Variants in MARK3 observed in about 807,000 individuals in gnomAD.
The protein encoded by MARK3 is microtubule affinity regulating kinase 3.
A neutral mutation model predicts 90.1 loss-of-function variants in MARK3; 46 were observed. The ratio of observed to expected loss-of-function variants is 0.51; its 90% CI spans 0.40 to 0.65. The LOEUF (loss-of-function observed/expected upper bound fraction) is 0.65. MARK3 is among the 30% of genes least tolerant of loss of function. MARK3 has a pLI of 0.00. For missense variants in MARK3, 818 were observed against 947.2 expected (o/e 0.86, Z 1.79); for synonymous variants, 321 against 332.6 (o/e 0.97, Z 0.38).
chr14:103,456,623 T>G (rs1384669662), intron 5 of MARK3, among the ~76,000 whole-genome samples: 1 of 152,214 alleles, frequency 6.6e-6, no homozygotes, highest in Non-Finnish European at 1.5e-5. Context: ...GTTTATTCAT[T>G]TATTGCCCCC....
intron 3 of MARK3, among the ~76,000 whole-genome samples, chr14:103,437,386 T>G (rs997551282): frequency 2.6e-5 from 4 of 151,170 alleles, no homozygotes; most frequent in African/African-American, 7.4e-5. Context: ...AGAGTGAGAC[T>G]CCGTCTCAAA....
chr14:103,434,353 C>T (rs1378679802), intron 3 of MARK3, among the ~76,000 whole-genome samples: 3 of 152,170 alleles, frequency 2.0e-5, no homozygotes, highest in African/African-American at 2.4e-5. Flanking sequence ...CCCAGCATTC[C>T]GTGACCGGGC....
intron 3 of MARK3, among the ~76,000 whole-genome samples, chr14:103,432,512 A>G (rs1234924961): frequency 6.6e-6 from 1 of 151,720 alleles, no homozygotes; most frequent in Non-Finnish European, 1.5e-5. Flanking sequence ...AAGTGTCCCT[A>G]TGAGCTGAGC....
rs528186583 is a variant in MARK3 at position 103,393,145 on chromosome 14, T to A, written c.51+7065T>A. On this transcript the variant is annotated intron_variant, in intron 1 of 17. Coordinates refer to ENST00000429436, the MANE Select transcript of MARK3 (RefSeq NM_001128918.3). ...ACAGGTGCCTGTTACCATGCCCAGC[T>A]GATTTTTTTGTATTTTCGGTAGAGA... Among the ~76,000 whole-genome samples, 91 of 152,290 alleles carry A rather than the reference T, an allele frequency of 6.0e-4. 1 individual carries two copies. In the Middle Eastern group the frequency reaches 0.014, roughly 23 times the overall value.
At chr14:103,428,978 G>T (rs2141047410) in intron 3 of MARK3, among the ~76,000 whole-genome samples, 1 of 152,296 alleles carries the variant, frequency 6.6e-6, no homozygotes, top group South Asian at 2.1e-4. Flanking sequence ...ATTTAACATA[G>T]ATCAAGTCTT....
intron 1 of MARK3, among the ~76,000 whole-genome samples, chr14:103,396,583 A>G (rs1002630546): frequency 9.2e-5 from 14 of 152,220 alleles, no homozygotes; most frequent in African/African-American, 3.4e-4. Context: ...TATTATAAAT[A>G]ACAAACTAAG....
intron 15 of MARK3, among the ~76,000 whole-genome samples, chr14:103,496,706 C>T (rs2075362351): frequency 6.6e-6 from 1 of 152,082 alleles, no homozygotes; most frequent in African/African-American, 2.4e-5. Context: ...AGCCACCACA[C>T]CCAGCCTTTT....
chr14:103,453,388 C>T (rs1253637191), intron 5 of MARK3, among the ~76,000 whole-genome samples: 1 of 152,180 alleles, frequency 6.6e-6, no homozygotes, highest in African/African-American at 2.4e-5. Context: ...CTGTTAAACT[C>T]TATCGTAATT....
At position 103,475,154 on chromosome 14, in the gene MARK3, A is replaced by G. The variant is rs1566911840; in HGVS notation, c.1426A>G (p.Ser476Gly). 1 of 1,614,152 alleles carries G rather than the reference A, an allele frequency of 6.2e-7. No homozygotes were observed. The change falls in exon 13 of 18, where the codon AGT becomes GGT. Residue 476 changes from serine to glycine, a missense_variant. Around this residue, in one of 3 missense-constraint regions of MARK3, gnomAD observed 560 missense variants for 613.5 expected, o/e 0.91. Coordinates refer to ENST00000429436, the MANE Select transcript of MARK3 (RefSeq NM_001128918.3). ...AGCCAGTCCCATGCTTGGGAATGCA[A>G]GTAATCCTAATAAGGCGGATATTCC... ...APASPMLGNA[S>G]NPNKADIPER...
chr14:103,472,123 A>C (rs1017728145), intron 12 of MARK3, among the ~76,000 whole-genome samples: 1 of 150,216 alleles, frequency 6.7e-6, no homozygotes, highest in Non-Finnish European at 1.5e-5. Context: ...AGGCAGGAGA[A>C]TGGATGAACC....
chr14:103,409,635 A>G (rs1434507786), intron 2 of MARK3, among the ~76,000 whole-genome samples: 1 of 152,156 alleles, frequency 6.6e-6, no homozygotes, highest in African/African-American at 2.4e-5. Context: ...TTTGGTGTAT[A>G]TTCCCAGAGT....
intron 4 of MARK3, among the ~76,000 whole-genome samples, chr14:103,450,916 G>GTGTGTT (rs1358062005): frequency 3.4e-5 from 2 of 58,160 alleles, no homozygotes; most frequent in Non-Finnish European, 3.5e-5. Context: ...GTGTGTGTGT[G>GTGTGTT]TATTCTTTTT....
chr14:103,493,770 G>C (rs2075148795), intron 15 of MARK3, among the ~76,000 whole-genome samples: 1 of 150,792 alleles, frequency 6.6e-6, no homozygotes, highest in African/African-American at 2.4e-5. Context: ...AGCTACCCAG[G>C]AGGCTGAGAC....
rs369705082 is a variant in MARK3, at chr14:103,455,415, A to G, written c.413-1727A>G. ...AATTGTGTCGTGTAAACTTGACAGT[A>G]TGTAATGCCTTTTAAAAGATCATTA... On this transcript the variant is annotated intron_variant, in intron 5 of 17. Coordinates refer to ENST00000429436, the MANE Select transcript of MARK3 (RefSeq NM_001128918.3). 7.2e-5 allele frequency among the ~76,000 whole-genome samples: 11 copies of G among 152,312 alleles called. No homozygotes were observed. The East Asian group carries it at 2.1e-3, about 29-fold the overall frequency.
chr14:103,462,194 G>A (rs1343180988), intron 6 of MARK3, among the ~76,000 whole-genome samples: 2 of 152,098 alleles, frequency 1.3e-5, no homozygotes, highest in Admixed American at 6.6e-5. Context: ...AGTAGAAAAC[G>A]GAAGAACGTC....
Position 103,466,414 on chromosome 14 carries a change from G to A in MARK3, c.969G>A (p.Glu323=), listed in dbSNP as rs1240540779. 1 of 1,613,616 alleles carries A rather than the reference G, an allele frequency of 6.2e-7. No homozygotes were observed. The highest frequency in any genetic ancestry group is 8.5e-7 in the Non-Finnish European group (1 of 1,179,734). Residue 323 remains glutamate (E), a synonymous_variant, in exon 10 of 18, where the codon GAG becomes GAA. Coordinates refer to ENST00000429436, the MANE Select transcript of MARK3 (RefSeq NM_001128918.3). ...AACTCAAACCATTTGTTGAACCAGA[G>A]CTAGACATCTCAGACCAAAAAAGAA... ...EDELKPFVEP[E]LDISDQKRID...
At chr14:103,444,313 T>G (rs2092938441) in intron 3 of MARK3, among the ~76,000 whole-genome samples, 1 of 152,166 alleles carries the variant, frequency 6.6e-6, no homozygotes, top group African/African-American at 2.4e-5. Context: ...TCTCCTCTTG[T>G]GTGCCAGTTC....
At chr14:103,479,680 TG>T (rs1466961154) in intron 13 of MARK3, among the ~76,000 whole-genome samples, 1 of 126,856 alleles carries the variant, frequency 7.9e-6, no homozygotes, top group Non-Finnish European at 1.6e-5. Context: ...TTACACAGGC[TG>T]GAGTGCAATG....
chr14:103,499,182 A>AT (rs888102752), intron 16 of MARK3: 1 of 152,172 alleles, frequency 6.6e-6, no homozygotes, highest in African/African-American at 2.4e-5. Context: ...TTTTATTAAT[A>AT]TTTTTTAGGC....
Sources: allele counts gnomAD v4.1 joint callset (sites outside exome capture counted in the v4.1 genomes callset), GRCh38; gene constraint gnomAD v4.1.1; regional missense constraint gnomAD v4.1.1; transcripts MANE v1.5; gene names NCBI Gene and HGNC (gene_info 2026-07-23, HGNC 2026-07-21).